PAK4: variants seen among roughly 807,000 people sequenced by gnomAD.
PAK4 encodes the protein serine/threonine-protein kinase PAK 4.
A neutral mutation model predicts 53.5 loss-of-function variants in PAK4; 49 were observed. The observed-to-expected ratio is 0.92, with a 90% confidence interval of 0.73 to 1.16. PAK4 has a LOEUF of 1.16. PAK4 is among the 50% of genes most tolerant of loss of function. PAK4 has a pLI of 0.00. For missense variants in PAK4, 824 were observed against 850.7 expected (o/e 0.97, Z 0.39); for synonymous variants, 376 against 375.6 (o/e 1.00, Z -0.01).
exon 2 of PAK4, chr19:39,169,664 C>T: frequency 6.2e-7 from 1 of 1,613,550 alleles, no homozygotes; most frequent in East Asian, 2.2e-5. Flanking sequence ...GGCTGCCCCG[C>T]CAGTGGCAGA....
chr19:39,169,460 G>A (rs1017178032), intron 1 of PAK4, 72 bp from the exon 3 acceptor site: 1 of 1,103,054 alleles, frequency 9.1e-7, no homozygotes, highest in Non-Finnish European at 1.4e-6. Context: ...AGGATGGGAG[G>A]GACAGAGCAG....
At chr19:39,137,264 G>A (rs1222525849) in intron 1 of PAK4, among the ~76,000 whole-genome samples, 2 of 152,156 alleles carry the variant, frequency 1.3e-5, no homozygotes, top group Non-Finnish European at 2.9e-5. Context: ...CCTGGCCTCT[G>A]GAGCCATCTG....
Position 39,178,823 on chromosome 19 carries a change from G to A in PAK4, c.*244G>A. On this transcript the variant is annotated 3_prime_UTR_variant, in exon 9 of 9. Transcript: ENST00000358301. The surrounding 1 kb of genome is among the most constrained non-coding windows in gnomAD (Gnocchi z 4.4). ...CCAGGACCCCCACCCTCTGGGACAG[G>A]CCCTCCCCCATGTTCTTCTGTCTCC... 1 of 467,090 alleles carries A rather than the reference G, an allele frequency of 2.1e-6. No homozygotes were observed. Among genetic ancestry groups the A allele is most frequent in the Non-Finnish European group, 3.8e-6 (1 of 263,646 alleles). 28.9% of individuals were successfully genotyped at this position (467,090 alleles called of 1,614,324 possible). A position where few individuals can be genotyped will look rare whatever the true frequency, so the allele number is the denominator to read the frequency against.
At chr19:39,129,241 G>T (rs1370283928) in intron 1 of PAK4, among the ~76,000 whole-genome samples, 1 of 151,932 alleles carries the variant, frequency 6.6e-6, no homozygotes, top group Non-Finnish European at 1.5e-5. Flanking sequence ...GATGTCTCTT[G>T]GTGGGGATGT....
Position 39,173,094 on chromosome 19 carries a change from G to A in PAK4, c.381G>A (p.Gly127=), listed in dbSNP as rs2074517462. Residue 127 remains glycine, a synonymous_variant, in exon 3 of 9, where the codon GGG becomes GGA. Coordinates refer to ENST00000358301, the Ensembl canonical transcript of PAK4. The surrounding 1 kb of genome is among the most constrained non-coding windows in gnomAD (Gnocchi z 6.9). Reference sequence around the variant, plus strand: ...AGGAGCCGGCCACCACGGCCAGAGGGGGCCCAGGGAAGGCAGGCAGCCGAG... The same window carrying A: ...AGGAGCCGGCCACCACGGCCAGAGGAGGCCCAGGGAAGGCAGGCAGCCGAG... The A allele has an allele frequency of 1.9e-6, 3 of 1,548,374 alleles. No homozygotes were observed. The highest frequency in any genetic ancestry group is 2.6e-6 in the Non-Finnish European group (3 of 1,146,394).
At chr19:39,140,964 A>G (rs1036448115) in intron 1 of PAK4, among the ~76,000 whole-genome samples, 2 of 152,056 alleles carry the variant, frequency 1.3e-5, no homozygotes, top group African/African-American at 4.8e-5. Context: ...TTACCATTAC[A>G]CTTATTAGAG....
At chr19:39,126,460 G>T (rs1253798826) in intron 1 of PAK4, among the ~76,000 whole-genome samples, 2 of 112,214 alleles carry the variant, frequency 1.8e-5, no homozygotes, top group Non-Finnish European at 3.7e-5. Context: ...GGGGGGGGGG[G>T]GCCGGGTCAG....
exon 7 of PAK4, chr19:39,176,697 C>T: frequency 6.2e-7 from 1 of 1,610,924 alleles, no homozygotes; most frequent in Non-Finnish European, 8.5e-7. Flanking sequence ...TCATCTCCCG[C>T]CTTCCCTACG....
chr19:39,168,024 C>G (rs890072008), intron 1 of PAK4: 2 of 152,374 alleles, frequency 1.3e-5, no homozygotes, highest in African/African-American at 4.8e-5. Flanking sequence ...TCCCTCCAGA[C>G]TGGGTCCCGT....
intron 1 of PAK4, among the ~76,000 whole-genome samples, chr19:39,140,875 G>A (rs752847710): frequency 3.9e-5 from 6 of 152,114 alleles, no homozygotes; most frequent in Non-Finnish European, 8.8e-5. Flanking sequence ...AGGGTTGCTG[G>A]GAGGATGAAG....
chr19:39,175,844 CG>C lies in PAK4; in HGVS notation c.1359+409del, dbSNP rs757917498. On this transcript the variant is annotated intron_variant, in intron 6 of 8. Transcript: ENST00000358301. This position sits in a 1 kb window ranked among gnomAD's most constrained non-coding sequence, Gnocchi z 4.7. ...TCTGAGGCTGTGACAATTATAACGT[CG>C]GGTGGACATGATTTTCTGTGAGAGA... Among the ~76,000 whole-genome samples the C allele has an allele frequency of 1.3e-5, 2 of 152,320 alleles. No homozygotes were observed. Among genetic ancestry groups the C allele is most frequent in the East Asian group, 3.9e-4 (2 of 5,178 alleles).
chr19:39,171,331 C>T (rs976221582), intron 2 of PAK4, among the ~76,000 whole-genome samples: 1 of 152,130 alleles, frequency 6.6e-6, no homozygotes, highest in Non-Finnish European at 1.5e-5. Flanking sequence ...GCCTCAGCCT[C>T]CCGCGTAGCT....
intron 1 of PAK4, among the ~76,000 whole-genome samples, chr19:39,148,087 G>T (rs1285017580): frequency 6.6e-6 from 1 of 151,524 alleles, no homozygotes; most frequent in East Asian, 1.9e-4. Context: ...GAGTAGCTGG[G>T]ATTACAGGCA....
Position 39,173,144 on chromosome 19 carries a change from C to T in PAK4, c.431C>T (p.Ala144Val), listed in dbSNP as rs762945816. The T allele has an allele frequency of 1.5e-5, 23 of 1,542,664 alleles. No individual in the cohort carries two copies. The highest frequency in any genetic ancestry group is 1.2e-4 in the East Asian group (5 of 40,786). ...GGCCGGTTCGCCGGTCACAGCGAGG[C>T]GGGTGGCGGCAGTGGTGACAGGCGA... is the stretch of plus-strand genomic sequence containing the variant. Residue 144 changes from alanine to valine, a missense_variant, in exon 3 of 9, where the codon GCG becomes GTG. Physicochemically the swap from Ala to Val is moderately conservative, Grantham distance 64. Around this residue, in one of 2 missense-constraint regions of PAK4, gnomAD observed 478 missense variants for 435.8 expected, o/e 1.10. Coordinates refer to ENST00000358301, the Ensembl canonical transcript of PAK4. This position sits in a 1 kb window ranked among gnomAD's most constrained non-coding sequence, Gnocchi z 6.9.
intron 2 of PAK4, among the ~76,000 whole-genome samples, chr19:39,171,480 G>A (rs2144833903): frequency 6.6e-6 from 1 of 152,314 alleles, no homozygotes; most frequent in East Asian, 1.9e-4. Context: ...GGGATTATAG[G>A]CGTGAGCCAC....
At position 39,138,648 on chromosome 19, in the gene PAK4, C is replaced by G. The variant is rs575013309; in HGVS notation, c.-23+12729C>G. On this transcript the variant is annotated intron_variant, in intron 1 of 8. Transcript: ENST00000358301. ...GCCTTGCTGGCTGAGGACCTCATGGCGGTGGCAGGAGGCCACTTCTCCCAT... is the reference window on the plus strand; with the variant it reads ...GCCTTGCTGGCTGAGGACCTCATGGGGGTGGCAGGAGGCCACTTCTCCCAT... 3.5e-3 allele frequency among the ~76,000 whole-genome samples: 526 copies of G among 152,336 alleles called. 1 individual carries two copies. The highest frequency in any genetic ancestry group is 5.6e-3 in the Non-Finnish European group (379 of 68,026).
chr19:39,158,315 G>A (rs1271294710), intron 1 of PAK4, among the ~76,000 whole-genome samples: 2 of 152,240 alleles, frequency 1.3e-5, no homozygotes, highest in Non-Finnish European at 2.9e-5. Context: ...AGGAGAGGCC[G>A]TGGTTGCTGC....
rs146955542 is a variant in PAK4, at chr19:39,177,731, C to T, written c.1542C>T (p.Pro514=). The T allele has an allele frequency of 3.3e-4, 539 of 1,613,696 alleles. 2 individuals carry two copies. The highest frequency in any genetic ancestry group is 1.8e-3 in the Admixed American group (108 of 59,998). The stretch of plus-strand genomic sequence containing the variant: ...TTGAGATGGTGGACGGAGAGCCCCC[C>T]TACTTCAACGAGCCACCCCTCAAAG... The change falls in exon 8 of 9, where the codon CCC becomes CCT. Residue 514 remains proline (P), a synonymous_variant. Transcript: ENST00000358301.
At chr19:39,162,351 G>C (rs2074298582) in intron 1 of PAK4, among the ~76,000 whole-genome samples, 1 of 151,960 alleles carries the variant, frequency 6.6e-6, no homozygotes, top group Admixed American at 6.6e-5. Flanking sequence ...GACCTCCCAG[G>C]CTCGGGTGAT....
Sources: gnomAD v4.1 joint callset for allele counts (sites outside exome capture counted in the v4.1 genomes callset) on GRCh38, gnomAD v4.1.1 for gene constraint, gnomAD v4.1.1 regional missense constraint, Gnocchi (gnomAD v3.1) non-coding constraint, MANE v1.5 for transcripts, NCBI Gene and HGNC (gene_info 2026-07-23, HGNC 2026-07-21) for gene names.